ST6GALNAC3: variants seen among roughly 807,000 people sequenced by gnomAD.
ST6GALNAC3 encodes the protein alpha-N-acetylgalactosaminide alpha-2,6-sialyltransferase 3.
Under a neutral mutation model 32.7 loss-of-function variants are expected in ST6GALNAC3, and 25 were observed. The ratio of observed to expected loss-of-function variants is 0.76; its 90% CI spans 0.56 to 1.07. The LOEUF (loss-of-function observed/expected upper bound fraction) is 1.07. Among genes scored for constraint, ST6GALNAC3 ranks in the 50% least tolerant of loss-of-function variants. The pLI is 0.00. For synonymous variants in ST6GALNAC3, 129 were observed against 133.1 expected, an observed-to-expected ratio of 0.97 and a Z score of 0.21; for missense variants, 355 against 382.4, an observed-to-expected ratio of 0.93 and a Z score of 0.60.
At chr1:76,269,512 A>G (rs915034930) in intron 1 of ST6GALNAC3, among the ~76,000 whole-genome samples, 10 of 152,360 alleles carry the variant, frequency 6.6e-5, no homozygotes, top group African/African-American at 2.2e-4. Flanking sequence ...ATATTTAAAC[A>G]TAGACAGCTA....
intron 3 of ST6GALNAC3, among the ~76,000 whole-genome samples, chr1:76,544,140 A>C (rs1050052173): frequency 1.3e-5 from 2 of 151,556 alleles, no homozygotes; most frequent in Admixed American, 6.6e-5. Flanking sequence ...GGAAATAGAC[A>C]TGGTTCTCTG....
At chr1:76,564,086 T>C (rs181867246) in intron 3 of ST6GALNAC3, among the ~76,000 whole-genome samples, 1 of 152,316 alleles carries the variant, frequency 6.6e-6, no homozygotes, top group Non-Finnish European at 1.5e-5. Flanking sequence ...ACCTACTAGT[T>C]TGCTCCTAGT....
At chr1:76,131,915 A>G (rs1441598767) in intron 1 of ST6GALNAC3, among the ~76,000 whole-genome samples, 2 of 152,152 alleles carry the variant, frequency 1.3e-5, no homozygotes, top group Non-Finnish European at 2.9e-5. Flanking sequence ...GTCATTACCC[A>G]TAGCACATGA....
At chr1:76,146,206 C>T (rs976268526) in intron 1 of ST6GALNAC3, among the ~76,000 whole-genome samples, 1 of 152,204 alleles carries the variant, frequency 6.6e-6, no homozygotes, top group African/African-American at 2.4e-5. Context: ...ACACTTTCTC[C>T]TTTTCTTGCT....
intron 2 of ST6GALNAC3, among the ~76,000 whole-genome samples, chr1:76,339,262 G>A (rs1371131894): frequency 1.3e-5 from 2 of 152,080 alleles, no homozygotes; most frequent in African/African-American, 4.8e-5. Context: ...TTTTCTGAGG[G>A]GGTCCTTGTA....
At chr1:76,379,892 G>A (rs1418714447) in intron 2 of ST6GALNAC3, among the ~76,000 whole-genome samples, 3 of 152,162 alleles carry the variant, frequency 2.0e-5, no homozygotes, top group African/African-American at 4.8e-5. Flanking sequence ...TTTTGATGAG[G>A]CGAAACAGGA....
At chr1:76,082,122 C>T (rs1260631541) in intron 1 of ST6GALNAC3, among the ~76,000 whole-genome samples, 1 of 152,146 alleles carries the variant, frequency 6.6e-6, no homozygotes, top group East Asian at 1.9e-4. Flanking sequence ...AAAGCTTCTC[C>T]CCAGGAGAAA....
At chr1:76,275,197 G>A (rs1056545468) in intron 1 of ST6GALNAC3, among the ~76,000 whole-genome samples, 3 of 152,142 alleles carry the variant, frequency 2.0e-5, no homozygotes, top group African/African-American at 7.2e-5. Flanking sequence ...GAATCAATAA[G>A]CACAAGTTGT....
chr1:76,394,057 A>G (rs541911359), intron 2 of ST6GALNAC3, among the ~76,000 whole-genome samples: 20 of 152,312 alleles, frequency 1.3e-4, no homozygotes, highest in African/African-American at 4.3e-4. Flanking sequence ...TTTGTGGAGT[A>G]TGAGTAGCAG....
chr1:76,283,947 G>A (rs140951341), intron 1 of ST6GALNAC3, among the ~76,000 whole-genome samples: 1,741 of 152,208 alleles, frequency 0.011, 16 homozygotes, highest in Non-Finnish European at 0.019. Context: ...CCATGTATAA[G>A]GGAACCTTTA....
At chr1:76,250,483 T>G (rs985062488) in intron 1 of ST6GALNAC3, among the ~76,000 whole-genome samples, 9 of 152,196 alleles carry the variant, frequency 5.9e-5, no homozygotes, top group African/African-American at 1.9e-4. Flanking sequence ...GCAAGTCAAT[T>G]CCTGCTCACT....
chr1:76,256,172 C>T (rs533404759), intron 1 of ST6GALNAC3, among the ~76,000 whole-genome samples: 9 of 152,218 alleles, frequency 5.9e-5, no homozygotes, highest in African/African-American at 1.9e-4. Flanking sequence ...TACATCTGCA[C>T]TGTTTGACAT....
chr1:76,090,387 T>A (rs1487631423), intron 1 of ST6GALNAC3, among the ~76,000 whole-genome samples: 1 of 152,246 alleles, frequency 6.6e-6, no homozygotes, highest in African/African-American at 2.4e-5. Context: ...TCTTGATGAA[T>A]AAGCATGAGC....
chr1:76,252,603 T>C (rs1005696978), intron 1 of ST6GALNAC3, among the ~76,000 whole-genome samples: 1 of 152,086 alleles, frequency 6.6e-6, no homozygotes, highest in Non-Finnish European at 1.5e-5. Context: ...TCCTGAATGC[T>C]ATGAGTACTG....
At chr1:76,491,038 A>G (rs2101691491) in intron 3 of ST6GALNAC3, among the ~76,000 whole-genome samples, 1 of 151,834 alleles carries the variant, frequency 6.6e-6, no homozygotes, top group East Asian at 1.9e-4. Flanking sequence ...TTTTATTTTT[A>G]GTAGAGATGG....
intron 1 of ST6GALNAC3, among the ~76,000 whole-genome samples, chr1:76,258,805 A>G (rs1402825346): frequency 6.6e-6 from 1 of 152,162 alleles, no homozygotes; most frequent in East Asian, 1.9e-4. Context: ...GATTCCACAT[A>G]CTACATACAG....
intron 3 of ST6GALNAC3, among the ~76,000 whole-genome samples, chr1:76,482,727 T>A (rs1467872585): frequency 2.0e-5 from 3 of 152,022 alleles, no homozygotes; most frequent in Non-Finnish European, 2.9e-5. Context: ...TTCTTTTATT[T>A]TTATTATTAT....
chr1:76,176,643 A>T (rs1570319775), intron 1 of ST6GALNAC3, among the ~76,000 whole-genome samples: 1 of 152,290 alleles, frequency 6.6e-6, no homozygotes, highest in Middle Eastern at 3.4e-3. Context: ...TTTTTCCTAA[A>T]CATAATGTAC....
Position 76,224,794 on chromosome 1 carries a change from G to A in ST6GALNAC3, c.19-89011G>A, listed in dbSNP as rs59612491. Among the ~76,000 whole-genome samples, 280 of 152,230 alleles carry A rather than the reference G, an allele frequency of 1.8e-3. 4 individuals carry two copies. Among genetic ancestry groups the A allele is most frequent in the African/African-American group, 6.5e-3 (271 of 41,536 alleles). On this transcript the variant is annotated intron_variant, in intron 1 of 4. Transcript: ENST00000328299. The stretch of plus-strand genomic sequence containing the variant: ...GGTAGCCTTTGTCTTGTATTAAAAC[G>A]CAGTTTTCTCACCAAGTGACTTTGG...
Sources: allele counts gnomAD v4.1 joint callset (sites outside exome capture counted in the v4.1 genomes callset), GRCh38; gene constraint gnomAD v4.1.1; transcripts MANE v1.5; gene names NCBI Gene and HGNC (gene_info 2026-07-23, HGNC 2026-07-21).